Variants in TTBK2 observed in about 807,000 individuals in gnomAD.
The protein encoded by TTBK2 is tau tubulin kinase 2.
A neutral mutation model predicts 110.8 loss-of-function variants in TTBK2; 28 were observed. The ratio of observed to expected loss-of-function variants is 0.25; its 90% CI spans 0.19 to 0.35. The LOEUF (loss-of-function observed/expected upper bound fraction) is 0.35. Ranked by LOEUF, TTBK2 falls within the 10% of genes least tolerant of loss-of-function variation. The pLI is 1.00. For synonymous variants in TTBK2, 532 were observed against 527.3 expected (o/e 1.01, Z -0.12); for missense variants, 1,369 against 1,500.3 (o/e 0.91, Z 1.45).
chr15:42,873,334 T>C (rs1189066772), intron 2 of TTBK2, among the ~76,000 whole-genome samples: 1 of 152,094 alleles, frequency 6.6e-6, no homozygotes, highest in Admixed American at 6.5e-5. Flanking sequence ...CTTAGGAGGC[T>C]GAGGCAGGAG....
Position 42,819,113 on chromosome 15 carries a change from A to C in TTBK2, c.538-2016T>G, listed in dbSNP as rs565356637. ...TTTTGGGTTTTTTTTTTCTTAAGTA[A>C]CCTCAAATTTTTCTCAATTAACATG... On this transcript the variant is annotated intron_variant, in intron 6 of 14. Transcript: ENST00000267890. Among the ~76,000 whole-genome samples, 5 of 151,024 alleles carry C rather than the reference A, an allele frequency of 3.3e-5. No individual in the cohort carries two copies. The East Asian group carries it at 7.8e-4, about 24-fold the overall frequency.
At chr15:42,803,848 G>A (rs1207083518) in intron 9 of TTBK2, among the ~76,000 whole-genome samples, 1 of 151,262 alleles carries the variant, frequency 6.6e-6, no homozygotes, top group East Asian at 2.0e-4. Flanking sequence ...CCAACGTGGT[G>A]AAACCCCATC....
At position 42,752,664 on chromosome 15, in the gene TTBK2, G is replaced by C. The variant is rs377202158; in HGVS notation, c.2582C>G (p.Pro861Arg). The C allele has an allele frequency of 1.2e-5, 20 of 1,613,884 alleles. No individual in the cohort carries two copies. The highest frequency in any genetic ancestry group is 1.3e-5 in the African/African-American group (1 of 74,878). ...TTGGCCTATCTGACCTTCAACATGT[G>C]GGTCAATGTCTCTGGAAGAAATTTC... ...TSEISSRDIDPHVEGQIGQVA... is the reference protein window; with the variant it reads ...TSEISSRDIDRHVEGQIGQVA... The change falls in exon 14 of 15, where the codon CCA (proline) becomes CGA (arginine). Residue 861 changes from proline to arginine, a missense_variant. This residue lies in a region of TTBK2 where 1,097 missense variants were observed against 1,114.7 expected (regional missense o/e 0.98). Transcript: ENST00000267890.
At position 42,884,008 on chromosome 15, in the gene TTBK2, A is replaced by G. The variant is rs570720128; in HGVS notation, c.-67-5324T>C. ...ATCTGACAGTGTTGACTTCAGGGCA[A>G]AGAAAATCACTGGAGATAAAAAGAG... On this transcript the variant is annotated intron_variant, in intron 1 of 14. Coordinates refer to ENST00000267890, the MANE Select transcript of TTBK2 (RefSeq NM_173500.4). 2.2e-4 allele frequency among the ~76,000 whole-genome samples: 34 copies of G among 152,324 alleles called. 1 individual carries two copies. The South Asian group carries it at 7.0e-3, about 32-fold the overall frequency.
At chr15:42,801,759 AGTCAGCTCT>A (rs758584769) in intron 9 of TTBK2, 2 of 821,354 alleles carry the variant, frequency 2.4e-6, no homozygotes, top group Admixed American at 1.7e-5. Flanking sequence ...TGATCTTGGC[AGTCAGCTCT>A]TTCAGGGAAG....
intron 1 of TTBK2, among the ~76,000 whole-genome samples, chr15:42,920,024 T>C (rs563376033): frequency 6.6e-6 from 1 of 152,170 alleles, no homozygotes; most frequent in Non-Finnish European, 1.5e-5. Flanking sequence ...AGTAGTCCCA[T>C]GTTCCTTTCC....
intron 14 of TTBK2, among the ~76,000 whole-genome samples, chr15:42,749,955 A>G (rs2061843462): frequency 6.6e-6 from 1 of 152,164 alleles, no homozygotes. Flanking sequence ...GTGTGCTGGC[A>G]TGCACCTGTA....
chr15:42,878,688 AAACAAC>A lies in TTBK2; in HGVS notation c.-67-10_-67-5del, dbSNP rs924739639. The A allele has an allele frequency of 6.8e-5, 110 of 1,611,772 alleles. No homozygotes were observed. In the East Asian group the frequency reaches 1.2e-3, roughly 18 times the overall value. On this transcript the variant is annotated splice_region_variant and splice_polypyrimidine_tract_variant and intron_variant, in intron 1 of 14. Transcript: ENST00000267890. ...CCAAGGGTGGTTTCCATTTAACCTA[AAACAAC>A]AACAACAAAAAATAGTAGCAGTATT...
intron 3 of TTBK2, among the ~76,000 whole-genome samples, chr15:42,860,646 T>C (rs1425442207): frequency 8.1e-5 from 12 of 147,444 alleles, no homozygotes; most frequent in East Asian, 3.9e-4. Flanking sequence ...CTTTCTTTTT[T>C]TTTTTTTTTT....
At chr15:42,746,406 A>G (rs2061796032) in intron 14 of TTBK2, 149 bp from the exon 15 acceptor site, 1 of 656,412 alleles carries the variant, frequency 1.5e-6, no homozygotes, top group Non-Finnish European at 2.6e-6. Context: ...TACTAGTTGT[A>G]TGACCCTGGA....
At chr15:42,898,435 C>A (rs1243228031) in intron 1 of TTBK2, among the ~76,000 whole-genome samples, 1 of 151,736 alleles carries the variant, frequency 6.6e-6, no homozygotes, top group Non-Finnish European at 1.5e-5. Context: ...GTCCCAGCTA[C>A]TCGGGAGGCA....
chr15:42,864,012 T>C (rs1270454761), intron 3 of TTBK2, among the ~76,000 whole-genome samples: 3 of 152,210 alleles, frequency 2.0e-5, no homozygotes, highest in Admixed American at 6.5e-5. Context: ...TTTGTTGACA[T>C]TGGCCTTGGC....
At chr15:42,886,150 CCTT>C (rs1440815427) in intron 1 of TTBK2, among the ~76,000 whole-genome samples, 1 of 151,974 alleles carries the variant, frequency 6.6e-6, no homozygotes, top group Non-Finnish European at 1.5e-5. Context: ...TCCTCTGAAT[CCTT>C]CTTTTCTACG....
chr15:42,787,645 A>G (rs1036780057), intron 10 of TTBK2, among the ~76,000 whole-genome samples: 1 of 152,234 alleles, frequency 6.6e-6, no homozygotes, highest in African/African-American at 2.4e-5. Context: ...AATTGTCAAC[A>G]TAAGTATCAT....
rs374608414 is a variant in TTBK2, at chr15:42,760,641, C to A, written c.1999-7394G>T. Among the ~76,000 whole-genome samples, 7 of 151,968 alleles carry A rather than the reference C, an allele frequency of 4.6e-5. No individual in the cohort carries two copies. In the East Asian group the frequency reaches 1.4e-3, roughly 29 times the overall value. ...TAACCAAAGAAGTGAAAGATCTCTA[C>A]AAGTAAAACCAGAAAATACTAATGA... On this transcript the variant is annotated intron_variant, in intron 13 of 14. Coordinates refer to ENST00000267890, the MANE Select transcript of TTBK2 (RefSeq NM_173500.4).
intron 1 of TTBK2, among the ~76,000 whole-genome samples, chr15:42,894,218 C>T (rs1174449277): frequency 1.3e-5 from 2 of 152,170 alleles, no homozygotes; most frequent in Non-Finnish European, 2.9e-5. Flanking sequence ...GAGGCTTCCC[C>T]AGTCATATGG....
intron 9 of TTBK2, among the ~76,000 whole-genome samples, chr15:42,807,516 C>T (rs1891518818): frequency 1.3e-5 from 2 of 152,130 alleles, no homozygotes; most frequent in South Asian, 4.1e-4. Context: ...TCAAGTAACC[C>T]TCCCATCTCC....
intron 13 of TTBK2, 72 bp from the exon 14 acceptor site, chr15:42,753,319 A>C (rs1280760619): frequency 1.2e-5 from 17 of 1,435,564 alleles, no homozygotes; most frequent in Non-Finnish European, 1.6e-5. Flanking sequence ...TTTGAGATTT[A>C]ACATCTCCAA....
intron 12 of TTBK2, among the ~76,000 whole-genome samples, chr15:42,776,020 T>A (rs1388681464): frequency 6.6e-6 from 1 of 152,240 alleles, no homozygotes; most frequent in African/African-American, 2.4e-5. Flanking sequence ...ATTCTCAATA[T>A]GAGCCACAAC....
Sources: gnomAD v4.1 joint callset for allele counts (sites outside exome capture counted in the v4.1 genomes callset) on GRCh38, gnomAD v4.1.1 for gene constraint, gnomAD v4.1.1 regional missense constraint, MANE v1.5 for transcripts, NCBI Gene and HGNC (gene_info 2026-07-23, HGNC 2026-07-21) for gene names.